DYM: variants seen among roughly 807,000 people sequenced by gnomAD.
The protein encoded by DYM is dyggve-Melchior-Clausen syndrome protein.
A neutral mutation model predicts 93.1 loss-of-function variants in DYM; 78 were observed. The ratio of observed to expected loss-of-function variants is 0.84; its 90% CI spans 0.70 to 1.01. DYM has a LOEUF of 1.01. Ranked by LOEUF, DYM falls within the 50% of genes least tolerant of loss-of-function variation. The probability of loss-of-function intolerance (pLI) is 0.00; values close to 1 mark genes in which losing one functional copy is unlikely to be tolerated. For missense variants in DYM, 789 were observed against 845.0 expected (o/e 0.93, Z 0.82); for synonymous variants, 321 against 319.7 (o/e 1.00, Z -0.04).
intron 17 of DYM, among the ~76,000 whole-genome samples, chr18:49,047,543 C>T (rs2071762733): frequency 6.6e-6 from 1 of 152,192 alleles, no homozygotes; most frequent in African/African-American, 2.4e-5. Flanking sequence ...CTCCTCTCAG[C>T]TGACACCTAA....
chr18:49,094,255 G>C (rs1187846319), intron 17 of DYM, among the ~76,000 whole-genome samples: 1 of 152,166 alleles, frequency 6.6e-6, no homozygotes, highest in African/African-American at 2.4e-5. Context: ...GCACGGATCT[G>C]GAAGAATTCT....
In DYM at chr18:49,085,606, C is replaced by CTTTTTTTTTTTT. The variant is rs11437833; in HGVS notation, c.2025+11784_2025+11795dup. ...GGCAGATGAATAAGGACAACTGGTC[C>CTTTTTTTTTTTT]TTTTTTTTTTTTTTTTTTTTTGATG... On this transcript the variant is annotated intron_variant, in intron 17 of 17. Transcript: ENST00000675505. 3.2e-3 allele frequency among the ~76,000 whole-genome samples: 322 copies of CTTTTTTTTTTTT among 102,142 alleles called. 11 individuals are homozygous for CTTTTTTTTTTTT. The highest frequency in any genetic ancestry group is 4.7e-3 in the Non-Finnish European group (239 of 50,704). 67.0% of individuals were successfully genotyped at this position (102,142 alleles called of 152,430 possible).
intron 17 of DYM, among the ~76,000 whole-genome samples, chr18:49,086,937 G>C (rs2078593969): frequency 6.6e-6 from 1 of 152,006 alleles, no homozygotes; most frequent in South Asian, 2.1e-4. Context: ...GCAGTGAGCT[G>C]AGATCATGCC....
chr18:49,349,912 G>A (rs536260429), intron 6 of DYM, among the ~76,000 whole-genome samples: 160 of 152,204 alleles, frequency 1.1e-3, no homozygotes, highest in African/African-American at 2.6e-3. Context: ...AGCCGTGATC[G>A]CACCACTGTA....
chr18:49,038,970 T>C lies in DYM; in HGVS notation c.*5085A>G, dbSNP rs1358662890. ...TTTAAAACTCCATAAGACATAATTA[T>C]TGTTTTATGTAGTCAATATTTATGT... On this transcript the variant is annotated 3_prime_UTR_variant, in exon 18 of 18. Coordinates refer to ENST00000675505, the MANE Select transcript of DYM (RefSeq NM_001353214.3). Among the ~76,000 whole-genome samples the C allele has an allele frequency of 6.6e-6, 1 of 152,266 alleles. No homozygotes were observed. The highest frequency in any genetic ancestry group is 1.5e-5 in the Non-Finnish European group (1 of 68,046).
intron 10 of DYM, among the ~76,000 whole-genome samples, chr18:49,276,352 T>C (rs1430627271): frequency 6.6e-6 from 1 of 151,976 alleles, no homozygotes; most frequent in African/African-American, 2.4e-5. Context: ...TTTTTTGCTC[T>C]GTTGATATGA....
At chr18:49,086,276 G>A (rs186132809) in intron 17 of DYM, among the ~76,000 whole-genome samples, 2 of 152,344 alleles carry the variant, frequency 1.3e-5, no homozygotes, top group Admixed American at 1.3e-4. Flanking sequence ...CCTCTGCAGA[G>A]TCCCAAGGCA....
Position 49,431,584 on chromosome 18 carries a change from T to C in DYM, c.-53-1137A>G, listed in dbSNP as rs531143183. 8.0e-5 allele frequency among the ~76,000 whole-genome samples: 12 copies of C among 150,562 alleles called. No homozygotes were observed. In the East Asian group the frequency reaches 2.3e-3, roughly 29 times the overall value. ...TGATTTGTTCAGAAAAGTTCTCCCA[T>C]TGAATAATAAAATGGTGATAAGATA... is the stretch of plus-strand genomic sequence containing the variant. On this transcript the variant is annotated intron_variant, in intron 1 of 17. Coordinates refer to ENST00000675505, the MANE Select transcript of DYM (RefSeq NM_001353214.3).
chr18:49,124,400 T>C (rs1165461834), intron 15 of DYM, among the ~76,000 whole-genome samples: 1 of 151,612 alleles, frequency 6.6e-6, no homozygotes. Context: ...TCCCAGTTAC[T>C]CAAGAGGCTG....
intron 8 of DYM, among the ~76,000 whole-genome samples, chr18:49,289,727 G>GTGTATATATATATATATATATA (rs1555678602): frequency 3.5e-5 from 3 of 85,072 alleles, no homozygotes; most frequent in Non-Finnish European, 6.3e-5. Flanking sequence ...ATATATATGT[G>GTGTATATATATATATATATATA]TATATATATA....
chr18:49,416,623 G>C (rs1317984225), intron 2 of DYM, among the ~76,000 whole-genome samples: 1 of 152,064 alleles, frequency 6.6e-6, no homozygotes, highest in Non-Finnish European at 1.5e-5. Flanking sequence ...CTGAGATGTA[G>C]GACTTTCCAT....
At chr18:49,058,529 A>G (rs879824664) in intron 17 of DYM, among the ~76,000 whole-genome samples, 21 of 152,132 alleles carry the variant, frequency 1.4e-4, no homozygotes, top group Non-Finnish European at 2.6e-4. Context: ...TATGTTGCCC[A>G]GGCTGGTTTT....
intron 14 of DYM, among the ~76,000 whole-genome samples, chr18:49,204,546 C>T (rs961235782): frequency 2.0e-5 from 3 of 152,212 alleles, no homozygotes; most frequent in African/African-American, 4.8e-5. Context: ...ATTCACTACT[C>T]CACCCTGAAA....
At chr18:49,163,332 T>C (rs888823631) in intron 15 of DYM, among the ~76,000 whole-genome samples, 8 of 152,144 alleles carry the variant, frequency 5.3e-5, no homozygotes, top group Non-Finnish European at 1.2e-4. Flanking sequence ...AATTTTACAA[T>C]GAAATAATTT....
chr18:49,304,161 A>G (rs1417055085), intron 8 of DYM, among the ~76,000 whole-genome samples: 1 of 152,268 alleles, frequency 6.6e-6, no homozygotes, highest in East Asian at 1.9e-4. Context: ...TTAACCCTAC[A>G]CAATACAGAG....
At chr18:49,124,568 T>C (rs574756117) in intron 15 of DYM, among the ~76,000 whole-genome samples, 5 of 152,290 alleles carry the variant, frequency 3.3e-5, no homozygotes, top group African/African-American at 1.2e-4. Context: ...GTTTTTACTT[T>C]GCATGACTCT....
chr18:49,131,103 T>G (rs1003839284), intron 15 of DYM, among the ~76,000 whole-genome samples: 8 of 152,214 alleles, frequency 5.3e-5, no homozygotes, highest in African/African-American at 1.2e-4. Flanking sequence ...TTGGTGGTTA[T>G]TATAATACTT....
intron 6 of DYM, among the ~76,000 whole-genome samples, chr18:49,357,810 G>T (rs2065693659): frequency 6.6e-6 from 1 of 152,158 alleles, no homozygotes; most frequent in South Asian, 2.1e-4. Flanking sequence ...GGGAAAATAT[G>T]AGCAAGAGAG....
At chr18:49,169,720 G>A (rs1893528) in intron 14 of DYM, among the ~76,000 whole-genome samples, 88,114 of 151,886 alleles carry the variant, frequency 0.58, 27,953 homozygotes, top group Non-Finnish European at 0.73. Flanking sequence ...GGAACTTCAG[G>A]GCTCCTAGAA....
Sources: gnomAD v4.1 joint callset for allele counts (sites outside exome capture counted in the v4.1 genomes callset) on GRCh38, gnomAD v4.1.1 for gene constraint, MANE v1.5 for transcripts, NCBI Gene and HGNC (gene_info 2026-07-23, HGNC 2026-07-21) for gene names.